Variants in SEMA3A observed in about 807,000 individuals in gnomAD.
SEMA3A encodes semaphorin 3A, also known as semaphorin-3A.
SEMA3A carries 29 observed loss-of-function variants against 97.9 expected under a neutral mutation model. The observed-to-expected ratio is 0.30, with a 90% CI of 0.22 to 0.40. The LOEUF is 0.40. SEMA3A is among the 10% of genes least tolerant of loss of function. SEMA3A has a pLI of 1.00. For missense variants in SEMA3A, 763 were observed against 951.3 expected, an observed-to-expected ratio of 0.80 and a Z score of 2.60; for synonymous variants, 321 against 323.7, an observed-to-expected ratio of 0.99 and a Z score of 0.09.
At chr7:84,002,193 A>T in intron 11 of SEMA3A, 147 bp from the exon 12 acceptor site, 1 of 561,458 alleles carries the variant, frequency 1.8e-6, no homozygotes, top group East Asian at 3.0e-5. Context: ...CATGAGTAAA[A>T]TATATATTCA....
At chr7:84,293,323 G>A (rs1584209245) in intron 3 of SEMA3A, among the ~76,000 whole-genome samples, 1 of 151,996 alleles carries the variant, frequency 6.6e-6, no homozygotes, top group South Asian at 2.1e-4. Flanking sequence ...CTTCTCAATG[G>A]AGTTGGAATT....
intron 4 of SEMA3A, among the ~76,000 whole-genome samples, chr7:84,097,315 C>T (rs1463618429): frequency 6.6e-6 from 1 of 152,086 alleles, no homozygotes; most frequent in Admixed American, 6.6e-5. Context: ...AGTGAGGTAA[C>T]TGATTGAAAC....
In SEMA3A at chr7:84,044,659, T is replaced by C. The variant is rs151178497; in HGVS notation, c.667+1665A>G. On this transcript the variant is annotated intron_variant, in intron 6 of 16. Transcript: ENST00000265362. ...CTTTGGAGGAATAATTTCATGGAAG[T>C]AATTATTGGATGAATGCCAGGTTTA... Among the ~76,000 whole-genome samples, 554 of 151,984 alleles carry C rather than the reference T, an allele frequency of 3.6e-3. 2 individuals carry two copies. Among genetic ancestry groups the C allele is most frequent in the African/African-American group, 0.012 (517 of 41,498 alleles).
intron 1 of SEMA3A, among the ~76,000 whole-genome samples, chr7:84,471,066 T>C (rs1806132596): frequency 6.6e-6 from 1 of 152,066 alleles, no homozygotes; most frequent in Non-Finnish European, 1.5e-5. Flanking sequence ...AATTATGTAT[T>C]TCAGCAAAAA....
At chr7:84,216,530 C>T (rs1798759574) in intron 3 of SEMA3A, among the ~76,000 whole-genome samples, 1 of 152,060 alleles carries the variant, frequency 6.6e-6, no homozygotes, top group Admixed American at 6.6e-5. Context: ...TTGAATTTTA[C>T]TGATATTTTT....
intron 4 of SEMA3A, among the ~76,000 whole-genome samples, chr7:84,084,069 C>G (rs1794251143): frequency 6.6e-6 from 1 of 152,094 alleles, no homozygotes; most frequent in African/African-American, 2.4e-5. Flanking sequence ...CAAGCAGTGG[C>G]CAAAAGTAGG....
At chr7:84,286,126 A>G (rs1800583037) in intron 3 of SEMA3A, among the ~76,000 whole-genome samples, 1 of 152,164 alleles carries the variant, frequency 6.6e-6, no homozygotes, top group South Asian at 2.1e-4. Flanking sequence ...AAATTTTAAA[A>G]TTCACCTTCT....
At chr7:84,425,293 A>G (rs1489587424) in intron 1 of SEMA3A, among the ~76,000 whole-genome samples, 1 of 122,492 alleles carries the variant, frequency 8.2e-6, no homozygotes, top group Non-Finnish European at 1.6e-5. Flanking sequence ...ATATATTTAT[A>G]TTTATATAAA....
chr7:84,432,757 T>C (rs115902889), intron 1 of SEMA3A, among the ~76,000 whole-genome samples: 2,423 of 152,308 alleles, frequency 0.016, 75 homozygotes, highest in African/African-American at 0.055. Context: ...TCATGGTGCA[T>C]ATGTGCCATA....
chr7:83,982,814 G>A (rs1363532471), intron 13 of SEMA3A, among the ~76,000 whole-genome samples: 1 of 152,008 alleles, frequency 6.6e-6, no homozygotes, highest in Admixed American at 6.6e-5. Flanking sequence ...TAAATTGAAT[G>A]CAGACTGAAG....
intron 1 of SEMA3A, among the ~76,000 whole-genome samples, chr7:84,481,718 C>T (rs1213368778): frequency 6.6e-6 from 1 of 151,982 alleles, no homozygotes; most frequent in Non-Finnish European, 1.5e-5. Context: ...GTGTCTATAG[C>T]TTGACAGAAT....
chr7:84,421,082 G>C (rs934614152), intron 1 of SEMA3A, among the ~76,000 whole-genome samples: 4 of 151,698 alleles, frequency 2.6e-5, no homozygotes, highest in African/African-American at 7.3e-5. Flanking sequence ...TGATGTTAGG[G>C]TTTCGGTTTT....
chr7:84,150,188 G>T (rs970773758), intron 1 of SEMA3A, among the ~76,000 whole-genome samples: 10 of 152,256 alleles, frequency 6.6e-5, no homozygotes, highest in African/African-American at 2.2e-4. Context: ...AAATTGTTAC[G>T]AAAATAATTA....
intron 3 of SEMA3A, among the ~76,000 whole-genome samples, chr7:84,223,814 T>C (rs564657133): frequency 7.7e-4 from 117 of 151,960 alleles, no homozygotes; most frequent in Non-Finnish European, 1.5e-3. Context: ...AGAAATAAAA[T>C]GGAAATCTTA....
chr7:84,435,841 A>T (rs1472090112), intron 1 of SEMA3A, among the ~76,000 whole-genome samples: 1 of 152,186 alleles, frequency 6.6e-6, no homozygotes, highest in Non-Finnish European at 1.5e-5. Context: ...ATTCACATGG[A>T]ATCAAAAAAG....
At chr7:84,346,280 G>A (rs1802298238) in intron 2 of SEMA3A, among the ~76,000 whole-genome samples, 1 of 152,154 alleles carries the variant, frequency 6.6e-6, no homozygotes, top group East Asian at 1.9e-4. Context: ...CACTAAAAAT[G>A]TCTCTTTATT....
intron 1 of SEMA3A, among the ~76,000 whole-genome samples, chr7:84,435,567 C>T (rs991362614): frequency 1.3e-5 from 2 of 152,176 alleles, no homozygotes; most frequent in Admixed American, 1.3e-4. Flanking sequence ...AAGATCGGGC[C>T]AATGCCCTCC....
Position 84,134,868 on chromosome 7 carries a change from G to T in SEMA3A, c.196C>A (p.Arg66=), listed in dbSNP as rs199979628. The T allele has an allele frequency of 1.2e-6, 2 of 1,613,752 alleles. No individual in the cohort carries two copies. The highest frequency in any genetic ancestry group is 1.7e-6 in the Non-Finnish European group (2 of 1,179,738). ...SYHTFLLDEE[R]SRLYVGAKDH... Reference sequence around the variant, plus strand: ...TTTGCTCCAACATACAGCCTACTCCGTTCCTCATCCAAAAGGAAGGTATGA... The same window carrying T: ...TTTGCTCCAACATACAGCCTACTCCTTTCCTCATCCAAAAGGAAGGTATGA... The change falls in exon 2 of 17, where the codon CGG becomes AGG. Residue 66 remains arginine (R), a synonymous_variant. Transcript: ENST00000265362.
intron 5 of SEMA3A, among the ~76,000 whole-genome samples, chr7:84,050,730 G>A (rs371240411): frequency 5.7e-4 from 86 of 152,170 alleles, no homozygotes; most frequent in African/African-American, 1.6e-3. Flanking sequence ...CCCATTTGTT[G>A]ATTTTGGCTT....
Sources: gnomAD v4.1 joint callset for allele counts (sites outside exome capture counted in the v4.1 genomes callset) on GRCh38, gnomAD v4.1.1 for gene constraint, MANE v1.5 for transcripts, NCBI Gene and HGNC (gene_info 2026-07-23, HGNC 2026-07-21) for gene names.